Variants in CLSTN2 observed in about 807,000 individuals in gnomAD.
CLSTN2 encodes calsyntenin 2, also known as calsyntenin-2.
CLSTN2 carries 48 observed loss-of-function variants against 101.2 expected under a neutral mutation model. The ratio of observed to expected loss-of-function variants is 0.47; its 90% CI spans 0.38 to 0.60. The LOEUF (loss-of-function observed/expected upper bound fraction) is 0.60. Among genes scored for constraint, CLSTN2 ranks in the 20% least tolerant of loss-of-function variants. The pLI is 0.00. For missense variants in CLSTN2, 1,160 were observed against 1,238.2 expected (o/e 0.94, Z 0.95); for synonymous variants, 481 against 463.6 (o/e 1.04, Z -0.48).
intron 8 of CLSTN2, among the ~76,000 whole-genome samples, chr3:140,530,421 C>T (rs937951094): frequency 2.0e-5 from 3 of 152,148 alleles, no homozygotes; most frequent in Non-Finnish European, 4.4e-5. Context: ...TTATGCTGCG[C>T]ATCATGGGGG....
chr3:140,113,366 G>A (rs760570500), intron 1 of CLSTN2, among the ~76,000 whole-genome samples: 24 of 152,148 alleles, frequency 1.6e-4, no homozygotes, highest in Non-Finnish European at 1.8e-4. Context: ...ACCCCAACTC[G>A]CTCTCTCAGT....
intron 1 of CLSTN2, among the ~76,000 whole-genome samples, chr3:140,168,201 A>G (rs965992696): frequency 2.0e-5 from 3 of 152,124 alleles, no homozygotes; most frequent in Middle Eastern, 3.2e-3. Flanking sequence ...TGATATTGTC[A>G]GTTTTATTTT....
intron 2 of CLSTN2, among the ~76,000 whole-genome samples, chr3:140,370,450 T>C (rs1292225014): frequency 1.3e-5 from 2 of 151,970 alleles, no homozygotes; most frequent in Non-Finnish European, 1.5e-5. Context: ...GTCTGGCATA[T>C]GGTAGGTGCT....
intron 6 of CLSTN2, 42 bp downstream of exon 6, chr3:140,448,746 T>A: frequency 6.6e-7 from 1 of 1,523,844 alleles, no homozygotes; most frequent in Non-Finnish European, 9.1e-7. Flanking sequence ...CAATTGCTTT[T>A]AAATGATGTA....
At chr3:140,055,567 G>A (rs2008081501) in intron 1 of CLSTN2, among the ~76,000 whole-genome samples, 1 of 152,176 alleles carries the variant, frequency 6.6e-6, no homozygotes, top group Non-Finnish European at 1.5e-5. Context: ...CATGCAACAA[G>A]GAAATAACAA....
At chr3:140,390,939 G>A (rs2107970452) in intron 2 of CLSTN2, among the ~76,000 whole-genome samples, 1 of 152,288 alleles carries the variant, frequency 6.6e-6, no homozygotes, top group Non-Finnish European at 1.5e-5. Flanking sequence ...TCAAAAATTA[G>A]TAATGTTTTG....
chr3:140,355,745 G>C (rs961754067), intron 2 of CLSTN2, among the ~76,000 whole-genome samples: 6 of 152,208 alleles, frequency 3.9e-5, no homozygotes, highest in African/African-American at 1.4e-4. Flanking sequence ...TGCCATGGCT[G>C]TATCAGTGGC....
chr3:140,250,258 G>A lies in CLSTN2; in HGVS notation c.232+74185G>A, dbSNP rs1443888510. 2.6e-5 allele frequency among the ~76,000 whole-genome samples: 4 copies of A among 152,158 alleles called. No individual in the cohort carries two copies. The South Asian group carries it at 6.2e-4, about 24-fold the overall frequency. ...AGTTCACTGGTACCCACTCTGTGCC[G>A]AGCAACGTACTTGGATCTGGGAATA... On this transcript the variant is annotated intron_variant, in intron 2 of 16. Transcript: ENST00000458420.
intron 1 of CLSTN2, among the ~76,000 whole-genome samples, chr3:140,135,610 A>G (rs901858599): frequency 2.6e-5 from 4 of 152,196 alleles, no homozygotes; most frequent in Non-Finnish European, 4.4e-5. Context: ...TGGACAGCTC[A>G]TGGCAGTCTG....
intron 2 of CLSTN2, among the ~76,000 whole-genome samples, chr3:140,361,069 C>G (rs1033584849): frequency 9.2e-5 from 14 of 152,170 alleles, no homozygotes; most frequent in Non-Finnish European, 1.0e-4. Flanking sequence ...AACTACAGAA[C>G]AGTGTCTCTC....
chr3:140,044,368 C>T (rs538890572), intron 1 of CLSTN2, among the ~76,000 whole-genome samples: 2 of 152,224 alleles, frequency 1.3e-5, no homozygotes, highest in East Asian at 3.9e-4. Flanking sequence ...GTGATTTTTG[C>T]ACATTGATTT....
At chr3:140,025,379 C>G (rs1194615438) in intron 1 of CLSTN2, among the ~76,000 whole-genome samples, 1 of 152,198 alleles carries the variant, frequency 6.6e-6, no homozygotes, top group African/African-American at 2.4e-5. Context: ...TCTGGGGGCT[C>G]TGGGCTCAGA....
intron 9 of CLSTN2, among the ~76,000 whole-genome samples, chr3:140,543,344 A>T (rs1022304157): frequency 2.0e-5 from 3 of 152,194 alleles, no homozygotes; most frequent in Non-Finnish European, 4.4e-5. Flanking sequence ...GTCACTGAAG[A>T]TTTAAATCAG....
At chr3:140,145,185 A>C (rs1310750801) in intron 1 of CLSTN2, among the ~76,000 whole-genome samples, 2 of 152,248 alleles carry the variant, frequency 1.3e-5, no homozygotes, top group African/African-American at 4.8e-5. Context: ...CAATGACTAC[A>C]GATAGCTGTA....
At chr3:140,527,071 A>C (rs1347888579) in intron 8 of CLSTN2, among the ~76,000 whole-genome samples, 1 of 152,188 alleles carries the variant, frequency 6.6e-6, no homozygotes, top group African/African-American at 2.4e-5. Flanking sequence ...CAAGAAAAAC[A>C]AAAATTGACA....
At chr3:140,023,454 G>GA (rs2007358460) in intron 1 of CLSTN2, among the ~76,000 whole-genome samples, 1 of 152,216 alleles carries the variant, frequency 6.6e-6, no homozygotes, top group South Asian at 2.1e-4. Flanking sequence ...AGTTCAGAGT[G>GA]AGGAGGACTG....
At chr3:140,104,109 C>T (rs958591051) in intron 1 of CLSTN2, among the ~76,000 whole-genome samples, 2 of 152,112 alleles carry the variant, frequency 1.3e-5, no homozygotes, top group Non-Finnish European at 2.9e-5. Context: ...AGAATATTGC[C>T]AACTTGTACA....
chr3:140,554,049 G>A (rs1224229166), intron 10 of CLSTN2, among the ~76,000 whole-genome samples: 1 of 152,146 alleles, frequency 6.6e-6, no homozygotes, highest in East Asian at 1.9e-4. Context: ...AGGGATAAGA[G>A]GCAGAGTCCC....
At chr3:139,982,468 T>C (rs941892855) in intron 1 of CLSTN2, among the ~76,000 whole-genome samples, 4 of 152,128 alleles carry the variant, frequency 2.6e-5, no homozygotes, top group African/African-American at 9.7e-5. Context: ...TGTATGAGAA[T>C]ATTTAATAGC....
Sources: allele counts gnomAD v4.1 joint callset (sites outside exome capture counted in the v4.1 genomes callset), GRCh38; gene constraint gnomAD v4.1.1; transcripts MANE v1.5; gene names NCBI Gene and HGNC (gene_info 2026-07-23, HGNC 2026-07-21).